DHX30: variants seen among roughly 807,000 people sequenced by gnomAD.
DHX30 encodes the protein DExH-box helicase 30, also known as ATP-dependent RNA helicase DHX30.
A neutral mutation model predicts 116.9 loss-of-function variants in DHX30; 4 were observed. The observed-to-expected ratio is 0.03, with a 90% CI of 0.02 to 0.08. The LOEUF is 0.08. DHX30 is among the 10% of genes least tolerant of loss of function. The pLI is 1.00. For missense variants in DHX30, 871 were observed against 1,595.1 expected (o/e 0.55, Z 7.73); for synonymous variants, 697 against 651.7 (o/e 1.07, Z -1.06).
chr3:47,840,340 C>G (rs1254776452), intron 6 of DHX30, among the ~76,000 whole-genome samples: 2 of 151,092 alleles, frequency 1.3e-5, no homozygotes, highest in South Asian at 2.1e-4. Context: ...CTTCCTAGAT[C>G]ATTATGTGAA....
chr3:47,844,207 C>G (rs1480131621), intron 9 of DHX30, among the ~76,000 whole-genome samples: 1 of 152,198 alleles, frequency 6.6e-6, no homozygotes, highest in East Asian at 1.9e-4. Context: ...CTCTGGGAAC[C>G]ATGTTTTAGT....
chr3:47,846,599 C>T lies in DHX30; in HGVS notation c.1527C>T (p.Pro509=). ...VAQRVSHELG[P]SLRRNVGFQV... ...AGCGGGTCAGCCACGAACTGGGCCCCTCCCTGCGCCGGAATGTGGGCTTCC... is the reference window on the plus strand; with the variant it reads ...AGCGGGTCAGCCACGAACTGGGCCCTTCCCTGCGCCGGAATGTGGGCTTCC... Residue 509 remains proline, a synonymous_variant, in exon 11 of 22, where the codon CCC becomes CCT. Transcript: ENST00000445061. 6.2e-7 allele frequency: 1 copy of T among 1,614,120 alleles called. No homozygotes were observed. The highest frequency in any genetic ancestry group is 8.5e-7 in the Non-Finnish European group (1 of 1,180,030).
intron 6 of DHX30, among the ~76,000 whole-genome samples, chr3:47,831,975 T>A (rs566793143): frequency 6.6e-6 from 1 of 151,308 alleles, no homozygotes; most frequent in East Asian, 1.9e-4. Flanking sequence ...GTCTTGGCAT[T>A]TTCCTTATTG....
chr3:47,845,554 T>G, intron 9 of DHX30, 146 bp from the exon 10 acceptor site: 1 of 827,876 alleles, frequency 1.2e-6, no homozygotes, highest in South Asian at 4.1e-5. Context: ...AGTTCATAAT[T>G]TCTCCCTCCA....
intron 4 of DHX30, among the ~76,000 whole-genome samples, chr3:47,818,780 T>C (rs148704932): frequency 3.9e-5 from 6 of 152,256 alleles, no homozygotes; most frequent in East Asian, 3.9e-4. Context: ...CTCAGACTTA[T>C]TAATATACCT....
chr3:47,831,924 C>CTTTTTT (rs1448275730), intron 6 of DHX30, among the ~76,000 whole-genome samples: 35 of 120,378 alleles, frequency 2.9e-4, no homozygotes, highest in Admixed American at 4.6e-4. Context: ...AGGCCTTTTC[C>CTTTTTT]TTTTTCTTTT....
At chr3:47,824,726 T>G in intron 4 of DHX30, 1 of 286,220 alleles carries the variant, frequency 3.5e-6, no homozygotes, top group Non-Finnish European at 6.4e-6. Context: ...CTTCCTTAGA[T>G]GACATTGAGC....
At chr3:47,829,330 T>TTC (rs1559703130) in intron 6 of DHX30, among the ~76,000 whole-genome samples, 196 bp downstream of exon 6, 4 of 119,284 alleles carry the variant, frequency 3.4e-5, no homozygotes, top group South Asian at 2.7e-4. Context: ...TTTTTTTTTT[T>TTC]CCTGTGTTTT....
chr3:47,846,395 C>T lies in DHX30; in HGVS notation c.1323C>T (p.Asp441=). The T allele has an allele frequency of 6.2e-7, 1 of 1,614,112 alleles. No individual in the cohort carries two copies. The highest frequency in any genetic ancestry group is 8.5e-7 in the Non-Finnish European group (1 of 1,180,042). The change falls in exon 11 of 22, where the codon GAC becomes GAT. Residue 441 remains aspartate (D), a synonymous_variant. Transcript: ENST00000445061. ...APQLPVDPHR[D]TILNAIEQHP... ...AGCTACCTGTGGACCCACATCGGGACACCATCCTCAACGCCATTGAGCAGC... is the reference window on the plus strand; with the variant it reads ...AGCTACCTGTGGACCCACATCGGGATACCATCCTCAACGCCATTGAGCAGC...
At chr3:47,808,832 C>A (rs562301977) in intron 2 of DHX30, among the ~76,000 whole-genome samples, 1 of 151,980 alleles carries the variant, frequency 6.6e-6, no homozygotes, top group Non-Finnish European at 1.5e-5. Flanking sequence ...CCACCTCAGC[C>A]TCCCAAAGTG....
Position 47,847,136 on chromosome 3 carries a change from C to A in DHX30, c.1929+135C>A. The A allele has an allele frequency of 6.8e-7, 1 of 1,469,742 alleles. No individual in the cohort carries two copies. The highest frequency in any genetic ancestry group is 9.4e-7 in the Non-Finnish European group (1 of 1,064,684). 91.0% of individuals were successfully genotyped at this position (1,469,742 alleles called of 1,614,324 possible). A position where few individuals can be genotyped will look rare whatever the true frequency, so the allele number is the denominator to read the frequency against. On this transcript the variant is annotated intron_variant, in intron 11 of 21. Transcript: ENST00000445061. The surrounding 1 kb of genome is among the most constrained non-coding windows in gnomAD (Gnocchi z 5.5). ...CGGTTTCCTTGATAGAAACTGGGGA[C>A]TAACCCTGCCTGCGTGGCACACGTG...
intron 4 of DHX30, among the ~76,000 whole-genome samples, chr3:47,821,860 A>T (rs960761927): frequency 7.2e-5 from 11 of 152,080 alleles, no homozygotes; most frequent in Non-Finnish European, 1.0e-4. Context: ...CGGCCTCCCA[A>T]AGTGCTGGGA....
At chr3:47,838,238 C>T (rs527307099) in intron 6 of DHX30, among the ~76,000 whole-genome samples, 28 of 152,248 alleles carry the variant, frequency 1.8e-4, no homozygotes, top group South Asian at 8.3e-4. Flanking sequence ...CATAATCCTG[C>T]GGTTTTCACG....
At chr3:47,833,920 T>G (rs2036985511) in intron 6 of DHX30, among the ~76,000 whole-genome samples, 1 of 152,130 alleles carries the variant, frequency 6.6e-6, no homozygotes, top group Non-Finnish European at 1.5e-5. Flanking sequence ...GTATTATTAA[T>G]TATAGTCCTT....
At chr3:47,817,995 G>A (rs1224533304) in intron 3 of DHX30, 27 bp from the exon 4 acceptor site, 11 of 780,982 alleles carry the variant, frequency 1.4e-5, no homozygotes, top group East Asian at 4.8e-5. Flanking sequence ...AGAACATGTC[G>A]CCCTGATGCC....
At position 47,848,895 on chromosome 3, in the gene DHX30, C is replaced by T. The variant is rs201062327; in HGVS notation, c.2770-25C>T. On this transcript the variant is annotated intron_variant, in intron 17 of 21. Coordinates refer to ENST00000445061, the MANE Select transcript of DHX30 (RefSeq NM_138615.3). The surrounding 1 kb of genome is among the most constrained non-coding windows in gnomAD (Gnocchi z 9.4). Reference sequence around the variant, plus strand: ...CGTTGTCTAGCCCCTGCCTGTGATCCGGCTGCCCTCTTCTCCCCTCCCAGG... The same window carrying T: ...CGTTGTCTAGCCCCTGCCTGTGATCTGGCTGCCCTCTTCTCCCCTCCCAGG... 2,316 of 1,595,480 alleles carry T rather than the reference C, an allele frequency of 1.5e-3. 8 individuals are homozygous for T. Among genetic ancestry groups the T allele is most frequent in the South Asian group, 4.3e-3 (382 of 89,360 alleles).
chr3:47,808,411 T>C (rs2106933455), intron 2 of DHX30, among the ~76,000 whole-genome samples: 2 of 151,950 alleles, frequency 1.3e-5, no homozygotes. Flanking sequence ...AGAGATGCGG[T>C]CTCACTATGT....
intron 3 of DHX30, among the ~76,000 whole-genome samples, chr3:47,813,014 A>C (rs533614353): frequency 7.9e-5 from 12 of 151,604 alleles, no homozygotes; most frequent in Non-Finnish European, 1.8e-4. Context: ...CACTATATCA[A>C]AGTCATTCTT....
intron 4 of DHX30, among the ~76,000 whole-genome samples, chr3:47,820,039 A>G (rs1235131655): frequency 6.6e-6 from 1 of 152,200 alleles, no homozygotes; most frequent in Non-Finnish European, 1.5e-5. Context: ...CTGGCCGGGC[A>G]TGGTGGCTTA....
Sources: gnomAD v4.1 joint callset for allele counts (sites outside exome capture counted in the v4.1 genomes callset) on GRCh38, gnomAD v4.1.1 for gene constraint, Gnocchi (gnomAD v3.1) non-coding constraint, MANE v1.5 for transcripts, NCBI Gene and HGNC (gene_info 2026-07-23, HGNC 2026-07-21) for gene names.